PRPSAP1: variants seen among roughly 807,000 people sequenced by gnomAD.
PRPSAP1 encodes the protein phosphoribosyl pyrophosphate synthetase associated protein 1, also known as phosphoribosyl pyrophosphate synthase-associated protein 1.
A neutral mutation model predicts 39.4 loss-of-function variants in PRPSAP1; 31 were observed. That is an observed-to-expected ratio of 0.79 (90% CI 0.59 to 1.06). The LOEUF (loss-of-function observed/expected upper bound fraction) is 1.06, where lower values mean the gene tolerates loss of function less well. Among genes scored for constraint, PRPSAP1 ranks in the 50% least tolerant of loss-of-function variants. The pLI, the probability that PRPSAP1 is intolerant of heterozygous loss-of-function variation, is 0.00. For missense variants in PRPSAP1, 430 were observed against 511.6 expected (o/e 0.84, Z 1.54); for synonymous variants, 212 against 192.6 (o/e 1.10, Z -0.83).
At chr17:76,347,950 T>C (rs2071528103) in intron 2 of PRPSAP1, among the ~76,000 whole-genome samples, 1 of 152,154 alleles carries the variant, frequency 6.6e-6, no homozygotes, top group Non-Finnish European at 1.5e-5. Context: ...CCCATGTGAT[T>C]GCTAAAAAGA....
intron 3 of PRPSAP1, 115 bp from the exon 4 acceptor site, chr17:76,332,550 C>A: frequency 8.3e-7 from 1 of 1,202,294 alleles, no homozygotes; most frequent in South Asian, 1.4e-5. Flanking sequence ...GGAATTTTAC[C>A]ATCACACTAG....
In PRPSAP1 at chr17:76,353,574, A is replaced by T; in HGVS notation, c.130T>A (p.Ser44Thr). 6.4e-7 allele frequency: 1 copy of T among 1,559,980 alleles called. No homozygotes were observed. ...GCCAGCTCCGTGCAGGCGGCCGTGGAGTTGGCCGAGAAGACTCGGTAGCCG... is the reference window on the plus strand; with the variant it reads ...GCCAGCTCCGTGCAGGCGGCCGTGGTGTTGGCCGAGAAGACTCGGTAGCCG... ...RTGYRVFSAN[S>T]TAACTELAKR... Residue 44 changes from serine (S) to threonine (T), a missense_variant, in exon 1 of 10, where the codon TCC (serine) becomes ACC (threonine). Physicochemically the swap from Ser to Thr is moderately conservative, Grantham distance 58. Around this residue, in one of 2 missense-constraint regions of PRPSAP1, gnomAD observed 152 missense variants for 135.2 expected, o/e 1.12. Coordinates refer to ENST00000446526, the MANE Select transcript of PRPSAP1 (RefSeq NM_002766.3).
intron 3 of PRPSAP1, among the ~76,000 whole-genome samples, chr17:76,341,219 A>G (rs2071433454): frequency 6.9e-6 from 1 of 144,774 alleles, no homozygotes; most frequent in African/African-American, 2.6e-5. Flanking sequence ...AGTGTTAACA[A>G]TTTGACTTTT....
chr17:76,344,886 A>G, intron 2 of PRPSAP1, 149 bp from the exon 3 acceptor site: 1 of 583,382 alleles, frequency 1.7e-6, no homozygotes, highest in Non-Finnish European at 3.0e-6. Context: ...AGATCACTTG[A>G]GCACCAGAGT....
At chr17:76,318,420 A>G (rs191245854) in intron 7 of PRPSAP1, among the ~76,000 whole-genome samples, 3 of 152,300 alleles carry the variant, frequency 2.0e-5, no homozygotes, top group African/African-American at 7.2e-5. Flanking sequence ...ACTGCACTCT[A>G]GTCTGGGTGA....
chr17:76,326,751 T>C (rs1019830180), intron 7 of PRPSAP1, among the ~76,000 whole-genome samples: 1 of 152,250 alleles, frequency 6.6e-6, no homozygotes, highest in Admixed American at 6.5e-5. Context: ...TAAAGGACAC[T>C]GCTGGGACCA....
intron 7 of PRPSAP1, among the ~76,000 whole-genome samples, chr17:76,324,140 C>CAAA (rs34741154): frequency 0.012 from 1,403 of 117,098 alleles, 26 homozygotes; most frequent in African/African-American, 0.039. Flanking sequence ...GAGACTGTCT[C>CAAA]AAAAAAAAAA....
chr17:76,342,970 C>T (rs1259490758), intron 3 of PRPSAP1, among the ~76,000 whole-genome samples: 1 of 151,986 alleles, frequency 6.6e-6, no homozygotes, highest in Non-Finnish European at 1.5e-5. Flanking sequence ...ATCCCAGATA[C>T]TCGGGAGGCT....
In PRPSAP1 at chr17:76,353,536, T is replaced by G. The variant is rs754713021; in HGVS notation, c.168A>C (p.Thr56=). ...CGGCCCTCCCACCGCCCCCTTACTC[T>G]GTGATGCGCTTGGCCAGCTCCGTGC... ...AACTELAKRI[T]ERLGAELGKS... Residue 56 remains threonine, a splice_region_variant and synonymous_variant, in exon 1 of 10, where the codon ACA becomes ACC. Transcript: ENST00000446526. The G allele has an allele frequency of 3.9e-6, 6 of 1,524,278 alleles. No homozygotes were observed. In the South Asian group the frequency reaches 6.1e-5, roughly 15 times the overall value. The allele number at this position is 1,524,278 out of a possible 1,614,324, so 94.4% of individuals were successfully genotyped here.
chr17:76,331,512 G>T (rs2071322040), intron 4 of PRPSAP1, among the ~76,000 whole-genome samples: 1 of 152,148 alleles, frequency 6.6e-6, no homozygotes, highest in South Asian at 2.1e-4. Context: ...TTTATATAGT[G>T]TTTATATGGT....
intron 3 of PRPSAP1, among the ~76,000 whole-genome samples, chr17:76,340,954 T>C (rs1481036752): frequency 6.7e-6 from 1 of 149,856 alleles, no homozygotes; most frequent in Non-Finnish European, 1.5e-5. Flanking sequence ...ACAAAACTGG[T>C]CCCTGGTGCC....
chr17:76,346,643 G>T (rs1278586393), intron 2 of PRPSAP1, among the ~76,000 whole-genome samples: 2 of 152,142 alleles, frequency 1.3e-5, no homozygotes, highest in African/African-American at 4.8e-5. Context: ...TTTCACTTCC[G>T]GAAAGTCAGG....
chr17:76,344,824 G>A (rs988486647), intron 2 of PRPSAP1, 87 bp from the exon 3 acceptor site: 7 of 985,822 alleles, frequency 7.1e-6, no homozygotes, highest in Non-Finnish European at 1.1e-5. Context: ...TTCATGCCGG[G>A]CGCGGTGGCA....
chr17:76,320,414 C>G (rs2071182493), intron 7 of PRPSAP1, among the ~76,000 whole-genome samples: 1 of 139,810 alleles, frequency 7.2e-6, no homozygotes, highest in Non-Finnish European at 1.5e-5. Context: ...TGTTGCTTTG[C>G]AGATAATGCT....
At chr17:76,345,423 C>T (rs1476383352) in intron 2 of PRPSAP1, among the ~76,000 whole-genome samples, 11 of 151,680 alleles carry the variant, frequency 7.3e-5, no homozygotes, top group Admixed American at 2.6e-4. Flanking sequence ...GCCGTGATCG[C>T]GCCACTGCAC....
At chr17:76,322,344 C>T (rs1236797766) in intron 7 of PRPSAP1, among the ~76,000 whole-genome samples, 1 of 152,110 alleles carries the variant, frequency 6.6e-6, no homozygotes, top group African/African-American at 2.4e-5. Context: ...TGCACTAAGC[C>T]GAGATCGTGC....
In PRPSAP1 at chr17:76,310,128, T is replaced by C. The variant is rs563143945; in HGVS notation, c.*1414A>G. 6.6e-6 allele frequency: 1 copy of C among 152,084 alleles called. No homozygotes were observed. Among genetic ancestry groups the C allele is most frequent in the South Asian group, 2.1e-4 (1 of 4,818 alleles). The allele number at this position is 152,084 out of a possible 1,614,324, so 9.4% of individuals were successfully genotyped here. On this transcript the variant is annotated 3_prime_UTR_variant, in exon 10 of 10. Transcript: ENST00000446526. ...CCTCAGCCTCCCGAGTAGCTGGGATTACAGGCGTGCACCCCCTCCCCCAAC... is the reference window on the plus strand; with the variant it reads ...CCTCAGCCTCCCGAGTAGCTGGGATCACAGGCGTGCACCCCCTCCCCCAAC...
Position 76,353,895 on chromosome 17 carries a change from C to T in PRPSAP1, c.-192G>A, listed in dbSNP as rs1426656167. The T allele has an allele frequency of 6.0e-6, 8 of 1,330,472 alleles. No homozygotes were observed. The African/African-American group carries it at 1.2e-4, about 21-fold the overall frequency. 82.4% of individuals were successfully genotyped at this position (1,330,472 alleles called of 1,614,324 possible). A position where few individuals can be genotyped will look rare whatever the true frequency, so the allele number is the denominator to read the frequency against. ...GGCCGAGCCTTCGCAGCGCCCGGCG[C>T]CGCCGCCTCAGAGCCAGAGGCAAGG... On this transcript the variant is annotated 5_prime_UTR_variant, in exon 1 of 10. Transcript: ENST00000446526.
At chr17:76,321,552 A>T (rs909953325) in intron 7 of PRPSAP1, among the ~76,000 whole-genome samples, 1 of 152,028 alleles carries the variant, frequency 6.6e-6, no homozygotes. Flanking sequence ...CAGCAAACTT[A>T]GTAAATGTGT....
Sources: gnomAD v4.1 joint callset for allele counts (sites outside exome capture counted in the v4.1 genomes callset) on GRCh38, gnomAD v4.1.1 for gene constraint, gnomAD v4.1.1 regional missense constraint, MANE v1.5 for transcripts, NCBI Gene and HGNC (gene_info 2026-07-23, HGNC 2026-07-21) for gene names.